The following EIPR1 variants were observed in gnomAD, a reference collection of about 807,000 sequenced individuals.
EIPR1 encodes EARP complex and GARP complex interacting protein 1.
A neutral mutation model predicts 48.1 loss-of-function variants in EIPR1; 25 were observed. That is an observed-to-expected ratio of 0.52 (90% CI 0.38 to 0.73). EIPR1 has a LOEUF of 0.73. EIPR1 is among the 30% of genes least tolerant of loss of function. The pLI, the probability that EIPR1 is intolerant of heterozygous loss-of-function variation, is 0.00. For missense variants in EIPR1, 415 were observed against 506.2 expected (o/e 0.82, Z 1.73); for synonymous variants, 204 against 201.9 (o/e 1.01, Z -0.09).
chr2:3,261,894 G>C (rs1334272464), intron 3 of EIPR1: 4 of 152,262 alleles, frequency 2.6e-5, no homozygotes, highest in Admixed American at 2.6e-4. Context: ...ACCCATCAAA[G>C]AGTGGTAGAG....
At position 3,205,716 on chromosome 2, in the gene EIPR1, C is replaced by T. The variant is rs572004186; in HGVS notation, c.516+8433G>A. Reference sequence around the variant, plus strand: ...TGGGAATTCCAGTCCCAGCTTTGAACGTGAATGCCCCGAGCTTGAACCCCA... The same window carrying T: ...TGGGAATTCCAGTCCCAGCTTTGAATGTGAATGCCCCGAGCTTGAACCCCA... On this transcript the variant is annotated intron_variant, in intron 5 of 8. Transcript: ENST00000382125. 5.9e-5 allele frequency among the ~76,000 whole-genome samples: 9 copies of T among 152,324 alleles called. 1 individual carries two copies. In the South Asian group the frequency reaches 1.7e-3, roughly 28 times the overall value.
intron 5 of EIPR1, among the ~76,000 whole-genome samples, chr2:3,199,843 GTC>G (rs1207285479): frequency 4.1e-5 from 6 of 147,902 alleles, no homozygotes; most frequent in African/African-American, 1.5e-4. Flanking sequence ...GACGGGGTGT[GTC>G]TGCATCTGGG....
In EIPR1 at chr2:3,189,428, G is replaced by C. The variant is rs199943703; in HGVS notation, c.1070C>G (p.Ser357Trp). Residue 357 changes from serine (S) to tryptophan (W), a missense_variant, in exon 9 of 9, where the codon TCG becomes TGG. Ser to Trp is a radical substitution (Grantham distance 177, BLOSUM62 -3). Coordinates refer to ENST00000382125, the MANE Select transcript of EIPR1 (RefSeq NM_003310.5). The surrounding 1 kb of genome is among the most constrained non-coding windows in gnomAD (Gnocchi z 4.6). ...GGAGGCAAACAGCCACGGGTCAGCC[G>C]AGGACCAGTCCACGGCATAGACGCT... ...EDSVYAVDWS[S>W]ADPWLFASLS... 51 of 1,597,940 alleles carry C rather than the reference G, an allele frequency of 3.2e-5. No homozygotes were observed. The African/African-American group carries it at 6.7e-4, about 21-fold the overall frequency.
At chr2:3,201,938 T>A (rs1665049657) in intron 5 of EIPR1, among the ~76,000 whole-genome samples, 1 of 152,244 alleles carries the variant, frequency 6.6e-6, no homozygotes, top group South Asian at 2.1e-4. Context: ...TTATTTTTTA[T>A]TATTTATTTA....
intron 1 of EIPR1, among the ~76,000 whole-genome samples, chr2:3,369,346 C>A (rs1671051613): frequency 6.6e-6 from 1 of 152,196 alleles, no homozygotes; most frequent in African/African-American, 2.4e-5. Context: ...ATATGAGGTA[C>A]CGGGTTCATC....
At chr2:3,274,702 C>T (rs1667796384) in intron 3 of EIPR1, among the ~76,000 whole-genome samples, 1 of 151,270 alleles carries the variant, frequency 6.6e-6, no homozygotes, top group Non-Finnish European at 1.5e-5. Flanking sequence ...ATGTGTGACA[C>T]TAATGATAAT....
Position 3,305,231 on chromosome 2 carries a change from G to A in EIPR1, c.259+32786C>T, listed in dbSNP as rs538827769. ...CCGTCCTGTTCAGCCCTCCAATCCC[G>A]TCCAGTTCAACCTTCCACTCCCGTA... On this transcript the variant is annotated intron_variant, in intron 3 of 8. Transcript: ENST00000382125. Among the ~76,000 whole-genome samples the A allele has an allele frequency of 7.9e-4, 99 of 125,224 alleles. 2 individuals carry two copies. Among genetic ancestry groups the A allele is most frequent in the African/African-American group, 2.9e-3 (90 of 31,516 alleles). The allele number at this position is 125,224 out of a possible 152,430, so 82.2% of individuals were successfully genotyped here. A position where few individuals can be genotyped will look rare whatever the true frequency, so the allele number is the denominator to read the frequency against.
chr2:3,338,926 T>G (rs921687240), intron 2 of EIPR1, among the ~76,000 whole-genome samples: 15 of 152,326 alleles, frequency 9.8e-5, no homozygotes, highest in African/African-American at 3.6e-4. Context: ...AAAATATTCA[T>G]GGGTCTACAC....
rs1347648606 is a variant in EIPR1 at position 3,269,370 on chromosome 2, A to ATCATCGCACTCAG, written c.260-11928_260-11916dup. The stretch of plus-strand genomic sequence containing the variant: ...TCATCGCACTCAGTCATCGCACTCA[A>ATCATCGCACTCAG]TCATCGCACTCAGTCATCGCACTCA... On this transcript the variant is annotated intron_variant, in intron 3 of 8. Coordinates refer to ENST00000382125, the MANE Select transcript of EIPR1 (RefSeq NM_003310.5). Among the ~76,000 whole-genome samples, 236 of 26,036 alleles carry ATCATCGCACTCAG rather than the reference A, an allele frequency of 9.1e-3. 20 individuals are homozygous for ATCATCGCACTCAG. The highest frequency in any genetic ancestry group is 0.011 in the Non-Finnish European group (145 of 13,708). The allele number at this position is 26,036 out of a possible 152,430, so 17.1% of individuals were successfully genotyped here.
At chr2:3,277,791 A>G (rs1369507007) in intron 3 of EIPR1, among the ~76,000 whole-genome samples, 2 of 152,206 alleles carry the variant, frequency 1.3e-5, no homozygotes, top group Non-Finnish European at 2.9e-5. Context: ...GACTGCTGCG[A>G]ACATTGCTGC....
At chr2:3,280,477 C>A (rs1667982424) in intron 3 of EIPR1, among the ~76,000 whole-genome samples, 1 of 152,194 alleles carries the variant, frequency 6.6e-6, no homozygotes, top group African/African-American at 2.4e-5. Context: ...CTGGCCCCGC[C>A]TCTCTGCTTG....
intron 4 of EIPR1, among the ~76,000 whole-genome samples, chr2:3,218,962 G>T (rs111436082): frequency 9.8e-4 from 76 of 77,470 alleles, no homozygotes; most frequent in Middle Eastern, 0.013. Context: ...ACACCCAGCA[G>T]GGCCCTGGTA....
chr2:3,362,850 A>G (rs1392929030), intron 1 of EIPR1, among the ~76,000 whole-genome samples: 1 of 152,164 alleles, frequency 6.6e-6, no homozygotes, highest in Non-Finnish European at 1.5e-5. Context: ...GACCACATGC[A>G]TGCCCTGGAA....
At chr2:3,345,382 T>G (rs1484587240) in intron 2 of EIPR1, among the ~76,000 whole-genome samples, 1 of 151,042 alleles carries the variant, frequency 6.6e-6, no homozygotes, top group East Asian at 1.9e-4. Flanking sequence ...GTGGATCACC[T>G]GAGATGGTGA....
chr2:3,339,978 T>C (rs926214526), intron 2 of EIPR1, among the ~76,000 whole-genome samples: 2 of 152,180 alleles, frequency 1.3e-5, no homozygotes, highest in African/African-American at 4.8e-5. Flanking sequence ...TTGAGTGGCA[T>C]CTTCCCTCTC....
At chr2:3,224,047 G>T (rs181731866) in intron 4 of EIPR1, among the ~76,000 whole-genome samples, 4 of 152,300 alleles carry the variant, frequency 2.6e-5, no homozygotes, top group Admixed American at 2.0e-4. Context: ...TTTAATGTCT[G>T]TTGTGTTGCC....
chr2:3,372,004 T>C (rs1348098163), intron 1 of EIPR1, among the ~76,000 whole-genome samples: 1 of 151,880 alleles, frequency 6.6e-6, no homozygotes, highest in Non-Finnish European at 1.5e-5. Context: ...TCAGCAAATG[T>C]AAAAGAACAG....
chr2:3,208,699 A>G (rs1558223879), intron 5 of EIPR1: 1 of 1,550,206 alleles, frequency 6.5e-7, no homozygotes, highest in Admixed American at 2.0e-5. Flanking sequence ...CCCAGGAAAC[A>G]CTCGGCGGGT....
chr2:3,281,129 C>A (rs370832707), intron 3 of EIPR1, among the ~76,000 whole-genome samples: 1 of 152,182 alleles, frequency 6.6e-6, no homozygotes, highest in African/African-American at 2.4e-5. Flanking sequence ...ACACCACACT[C>A]CCTGGTCTTT....
Sources: allele counts gnomAD v4.1 joint callset (sites outside exome capture counted in the v4.1 genomes callset), GRCh38; gene constraint gnomAD v4.1.1; non-coding constraint Gnocchi (gnomAD v3.1); transcripts MANE v1.5; gene names NCBI Gene and HGNC (gene_info 2026-07-23, HGNC 2026-07-21).